The following KCTD1 variants were observed in gnomAD, a reference collection of about 807,000 sequenced individuals.
KCTD1 encodes the protein potassium channel tetramerization domain containing 1, also known as BTB/POZ domain-containing protein KCTD1.
A neutral mutation model predicts 66.0 loss-of-function variants in KCTD1; 24 were observed. The ratio of observed to expected loss-of-function variants is 0.36; its 90% CI spans 0.26 to 0.51. KCTD1 has a LOEUF of 0.51. Among genes scored for constraint, KCTD1 ranks in the 20% least tolerant of loss-of-function variants. The probability of loss-of-function intolerance (pLI) is 0.95; values close to 1 mark genes in which losing one functional copy is unlikely to be tolerated. For synonymous variants in KCTD1, 511 were observed against 517.2 expected, an observed-to-expected ratio of 0.99 and a Z score of 0.16; for missense variants, 943 against 1,205.2, an observed-to-expected ratio of 0.78 and a Z score of 3.22.
chr18:26,578,917 T>C (rs926829535), intron 1 of KCTD1, among the ~76,000 whole-genome samples: 1 of 152,170 alleles, frequency 6.6e-6, no homozygotes. Flanking sequence ...GAAGTGCTCA[T>C]TAGGAATTAG....
In KCTD1 at chr18:26,615,173, C is replaced by A. The variant is rs114452318; in HGVS notation, c.-16+13974G>T. On this transcript the variant is annotated intron_variant, in intron 1 of 4. Coordinates refer to the KCTD1 transcript ENST00000317932. Reference sequence around the variant, plus strand: ...GACTACAAAGCTTTGTAAATAACTGCCCCCCATCCCTTCCCACCCCATCCA... The same window carrying A: ...GACTACAAAGCTTTGTAAATAACTGACCCCCATCCCTTCCCACCCCATCCA... Among the ~76,000 whole-genome samples the A allele has an allele frequency of 8.8e-3, 1,341 of 152,224 alleles. 21 individuals are homozygous for A. The highest frequency in any genetic ancestry group is 0.03 in the African/African-American group (1,265 of 41,528).
At chr18:26,474,200 C>T (rs1426587642) in intron 3 of KCTD1, among the ~76,000 whole-genome samples, 1 of 152,122 alleles carries the variant, frequency 6.6e-6, no homozygotes, top group Admixed American at 6.5e-5. Context: ...ACAGATCTAC[C>T]ACATCTTTTA....
Position 26,600,306 on chromosome 18 carries a change from G to T in KCTD1, c.-16+28841C>A. The T allele has an allele frequency of 1.9e-6, 3 of 1,593,420 alleles. No homozygotes were observed. In the Admixed American group the frequency reaches 5.0e-5, roughly 27 times the overall value. ...TGCCAGCCTTCAAACCTGGGGAAAA[G>T]GCACTTCTGAGCAATAGCAATCTTC... On this transcript the variant is annotated intron_variant, in intron 1 of 4. Transcript: ENST00000317932.
At chr18:26,512,414 T>C (rs565514620) in intron 1 of KCTD1, among the ~76,000 whole-genome samples, 1 of 152,050 alleles carries the variant, frequency 6.6e-6, no homozygotes, top group South Asian at 2.1e-4. Flanking sequence ...CCTCTGAGAT[T>C]CTTAAGTGCC....
chr18:26,516,457 G>A (rs1440349369), intron 1 of KCTD1, among the ~76,000 whole-genome samples: 1 of 152,162 alleles, frequency 6.6e-6, no homozygotes, highest in Non-Finnish European at 1.5e-5. Context: ...CAATCTGAAA[G>A]ATCCCTCTCT....
chr18:26,491,192 G>A (rs1403272269), intron 2 of KCTD1, among the ~76,000 whole-genome samples: 2 of 152,176 alleles, frequency 1.3e-5, no homozygotes, highest in Admixed American at 6.5e-5. Context: ...CATTGGCGGG[G>A]TGTTTTGGGG....
intron 2 of KCTD1, among the ~76,000 whole-genome samples, chr18:26,480,767 A>C (rs59136082): frequency 0.06 from 8,808 of 147,454 alleles, 773 homozygotes; most frequent in East Asian, 0.41. Context: ...ACTTTGTCTT[A>C]AAAAAAAAAA....
At chr18:26,590,359 G>T (rs1986571525) in intron 1 of KCTD1, among the ~76,000 whole-genome samples, 1 of 152,050 alleles carries the variant, frequency 6.6e-6, no homozygotes, top group Admixed American at 6.6e-5. Context: ...AAAATGCTGG[G>T]ATTACAGGCA....
intron 1 of KCTD1, among the ~76,000 whole-genome samples, chr18:26,560,679 CT>C (rs1985826564): frequency 6.6e-6 from 1 of 152,128 alleles, no homozygotes; most frequent in Non-Finnish European, 1.5e-5. Flanking sequence ...GTCTGTGAAC[CT>C]GCAGAAATTG....
intron 1 of KCTD1, among the ~76,000 whole-genome samples, chr18:26,572,727 C>T (rs1986137356): frequency 6.6e-6 from 1 of 152,170 alleles, no homozygotes; most frequent in Non-Finnish European, 1.5e-5. Flanking sequence ...AACTGCCCCC[C>T]ATGGTGGTAA....
intron 2 of KCTD1, among the ~76,000 whole-genome samples, chr18:26,493,444 T>A (rs915162663): frequency 6.6e-6 from 1 of 152,222 alleles, no homozygotes; most frequent in African/African-American, 2.4e-5. Context: ...AGTTTTAATA[T>A]AAGGAGAGAA....
chr18:26,653,845 T>C (rs939344028), intron 1 of KCTD1, among the ~76,000 whole-genome samples: 9 of 152,272 alleles, frequency 5.9e-5, no homozygotes, highest in Non-Finnish European at 1.0e-4. Context: ...TAAGCATACA[T>C]GCTTGCATCC....
Position 26,483,349 on chromosome 18 carries a change from A to G in KCTD1, c.1989-6690T>C, listed in dbSNP as rs961527536. On this transcript the variant is annotated intron_variant, in intron 2 of 4. Coordinates refer to ENST00000580059, the MANE Select transcript of KCTD1 (RefSeq NM_001142730.3). ...AGTGGCATGATCTCGGCTCACTGCA[A>G]CCTCTGCCTCCTGGGTCAAAGTGAT... Among the ~76,000 whole-genome samples, 31 of 152,068 alleles carry G rather than the reference A, an allele frequency of 2.0e-4. 1 individual carries two copies. The highest frequency in any genetic ancestry group is 6.3e-4 in the African/African-American group (26 of 41,400).
In KCTD1 at chr18:26,476,476, C is replaced by T; in HGVS notation, c.2133+39G>A. On this transcript the variant is annotated intron_variant, in intron 3 of 4. Coordinates refer to ENST00000580059, the MANE Select transcript of KCTD1 (RefSeq NM_001142730.3). This position sits in a 1 kb window ranked among gnomAD's most constrained non-coding sequence, Gnocchi z 4.9. ...TTTTTTGGAGCACATAAAAAAATCA[C>T]ATATTTATGCTATTGGTGATTTAAC... 6.4e-7 allele frequency: 1 copy of T among 1,564,980 alleles called. No individual in the cohort carries two copies.
intron 2 of KCTD1, among the ~76,000 whole-genome samples, chr18:26,488,079 T>C (rs1234602150): frequency 6.6e-6 from 1 of 152,238 alleles, no homozygotes; most frequent in East Asian, 1.9e-4. Flanking sequence ...ATCAATGGGT[T>C]CCTCAAGAGC....
rs1271567869 is a variant in KCTD1 at position 26,547,214 on chromosome 18, C to A, written c.1323G>T (p.Ala441=). The A allele has an allele frequency of 6.4e-7, 1 of 1,550,586 alleles. No individual in the cohort carries two copies. The highest frequency in any genetic ancestry group is 8.7e-7 in the Non-Finnish European group (1 of 1,146,728). Residue 441 remains alanine, a synonymous_variant, in exon 1 of 5, where the codon GCG becomes GCT. Coordinates refer to ENST00000580059, the MANE Select transcript of KCTD1 (RefSeq NM_001142730.3). Reference sequence around the variant, plus strand: ...TGGTGTAGGTCTTGGAGAGCTTGGCCGCCTTGGAGAGCATCTGCATCCGAG... The same window carrying A: ...TGGTGTAGGTCTTGGAGAGCTTGGCAGCCTTGGAGAGCATCTGCATCCGAG... ...LGTRMQMLSK[A]AKLSKTYTNH...
chr18:26,632,821 A>C (rs563786625), upstream of KCTD1, among the ~76,000 whole-genome samples: 1 of 152,208 alleles, frequency 6.6e-6, no homozygotes, highest in Non-Finnish European at 1.5e-5. Flanking sequence ...ACAAATGAAA[A>C]GATATATCAA....
intron 1 of KCTD1, among the ~76,000 whole-genome samples, chr18:26,508,495 C>T (rs1426604548): frequency 6.6e-6 from 1 of 152,168 alleles, no homozygotes; most frequent in African/African-American, 2.4e-5. Flanking sequence ...ATGTATGTCC[C>T]TGTCTTATGT....
chr18:26,589,727 G>T (rs565548381), intron 1 of KCTD1, among the ~76,000 whole-genome samples: 69 of 152,312 alleles, frequency 4.5e-4, no homozygotes, highest in African/African-American at 1.6e-3. Context: ...CCTAGCCCCA[G>T]TGGGTCAACC....
Sources: gnomAD v4.1 joint callset for allele counts (sites outside exome capture counted in the v4.1 genomes callset) on GRCh38, gnomAD v4.1.1 for gene constraint, Gnocchi (gnomAD v3.1) non-coding constraint, MANE v1.5 for transcripts, NCBI Gene and HGNC (gene_info 2026-07-23, HGNC 2026-07-21) for gene names.